The following ANK2 variants were observed in gnomAD, a reference collection of about 807,000 sequenced individuals.
ANK2 encodes the protein ankyrin 2.
ANK2 carries 83 observed loss-of-function variants against 360.5 expected under a neutral mutation model. That is an observed-to-expected ratio of 0.23 (90% CI 0.19 to 0.28). ANK2 has a LOEUF of 0.28. ANK2 is among the 10% of genes least tolerant of loss of function. ANK2 has a pLI of 1.00. For synonymous variants in ANK2, 1,740 were observed against 1,759.5 expected (o/e 0.99, Z 0.28); for missense variants, 4,201 against 4,795.7 (o/e 0.88, Z 3.66).
chr4:113,295,366 C>CA lies in ANK2; in HGVS notation c.2475+1829dup, dbSNP rs2070661580. Among the ~76,000 whole-genome samples, 5 of 152,124 alleles carry CA rather than the reference C, an allele frequency of 3.3e-5. No individual in the cohort carries two copies. The South Asian group carries it at 1.0e-3, about 32-fold the overall frequency. On this transcript the variant is annotated intron_variant, in intron 22 of 45. Coordinates refer to ENST00000357077, the MANE Select transcript of ANK2 (RefSeq NM_001148.6). ...TATATGTCTGGTTTCAAAGAGATCT[C>CA]AGGTTTGTAGATATTACTCAGGTGA... is the stretch of plus-strand genomic sequence containing the variant.
At chr4:113,241,724 T>G (rs936315775) in intron 8 of ANK2, among the ~76,000 whole-genome samples, 1 of 152,184 alleles carries the variant, frequency 6.6e-6, no homozygotes, top group Non-Finnish European at 1.5e-5. Context: ...TCATAAAACT[T>G]AAGATGCCAG....
chr4:112,734,032 C>G, the ANK2 span, among the ~76,000 whole-genome samples: 1 of 152,232 alleles, frequency 6.6e-6, no homozygotes, highest in Non-Finnish European at 1.5e-5. Context: ...GCCTCGGCCT[C>G]CCAAAGTGCT....
At chr4:113,061,374 T>C (rs1292541195) in intron 1 of ANK2, among the ~76,000 whole-genome samples, 1 of 152,150 alleles carries the variant, frequency 6.6e-6, no homozygotes, top group African/African-American at 2.4e-5. Context: ...CCCTGATTGC[T>C]TTTTCCCAGT....
At chr4:113,210,525 T>C (rs1214642628) in intron 4 of ANK2, among the ~76,000 whole-genome samples, 7 of 152,222 alleles carry the variant, frequency 4.6e-5, no homozygotes, top group Non-Finnish European at 2.9e-5. Context: ...TAGCACTGGT[T>C]AGAAGCAAGA....
chr4:113,203,577 G>A lies in ANK2; in HGVS notation c.384+4468G>A, dbSNP rs547270924. 3.3e-5 allele frequency among the ~76,000 whole-genome samples: 5 copies of A among 152,182 alleles called. No homozygotes were observed. In the East Asian group the frequency reaches 7.7e-4, roughly 23 times the overall value. ...ATGATTGGAGGATGAATATATGCAT[G>A]TATACTCTTTATGTATAAGTCTTAG... On this transcript the variant is annotated intron_variant, in intron 4 of 45. Coordinates refer to ENST00000357077, the MANE Select transcript of ANK2 (RefSeq NM_001148.6).
In ANK2 at chr4:112,974,847, G is replaced by GA. The variant is rs766021382; in HGVS notation, c.21+70346dup. Among the ~76,000 whole-genome samples the GA allele has an allele frequency of 2.3e-3, 285 of 124,056 alleles. 1 individual carries two copies. Among genetic ancestry groups the GA allele is most frequent in the Middle Eastern group, 0.013 (3 of 224 alleles). 81.4% of individuals were successfully genotyped at this position (124,056 alleles called of 152,430 possible). A position where few individuals can be genotyped will look rare whatever the true frequency, so the allele number is the denominator to read the frequency against. On this transcript the variant is annotated intron_variant, in intron 2 of 30. Coordinates refer to the ANK2 transcript ENST00000503271. ...TTGTCCTGGTAAAAGTATAGAAAAA[G>GA]AAAAAAAAAAAAAGTGAACACAGGC...
At chr4:113,201,973 A>G (rs1313687075) in intron 4 of ANK2, among the ~76,000 whole-genome samples, 1 of 152,210 alleles carries the variant, frequency 6.6e-6, no homozygotes, top group Non-Finnish European at 1.5e-5. Context: ...GGGGATTCTG[A>G]CAAATAGCTT....
chr4:113,365,802 A>G (rs2096507645), intron 41 of ANK2, among the ~76,000 whole-genome samples: 1 of 152,188 alleles, frequency 6.6e-6, no homozygotes, highest in Admixed American at 6.5e-5. Context: ...AATAATAAGA[A>G]TAATCAGAAG....
At position 113,356,236 on chromosome 4, in the gene ANK2, ACCCC is replaced by A; in HGVS notation, c.7620_7623del (p.Pro2541AlafsTer16). 6.2e-7 allele frequency: 1 copy of A among 1,613,792 alleles called. No homozygotes were observed. The highest frequency in any genetic ancestry group is 8.5e-7 in the Non-Finnish European group (1 of 1,179,942). The stretch of plus-strand genomic sequence containing the variant: ...AGGGAAGAGCCCCCTTTCTCCTGAC[ACCCC>A]CAGCTCTGAAGAAGTCAGCTATGAG... On this transcript the variant is annotated frameshift_variant, in exon 38 of 46. Transcript: ENST00000357077. LOFTEE classifies it high-confidence loss of function.
intron 2 of ANK2, among the ~76,000 whole-genome samples, chr4:113,192,929 A>ATTTTT (rs779288633): frequency 2.6e-5 from 4 of 150,962 alleles, no homozygotes; most frequent in African/African-American, 7.3e-5. Flanking sequence ...TTATTTAAAA[A>ATTTTT]AAAAAAAAAA....
intron 2 of ANK2, among the ~76,000 whole-genome samples, chr4:113,193,020 T>C (rs2098695515): frequency 6.6e-6 from 1 of 151,896 alleles, no homozygotes; most frequent in African/African-American, 2.4e-5. Context: ...TAGACGGGAC[T>C]CCGCTATGGA....
chr4:112,784,489 G>A, the ANK2 span, among the ~76,000 whole-genome samples: 5 of 150,644 alleles, frequency 3.3e-5, no homozygotes, highest in East Asian at 6.0e-4. Context: ...TCCTACCGGC[G>A]CCTGCCACCA....
At position 113,184,564 on chromosome 4, in the gene ANK2, A is replaced by G. The variant is rs181175704; in HGVS notation, c.186+10047A>G. 2.9e-4 allele frequency among the ~76,000 whole-genome samples: 44 copies of G among 152,214 alleles called. No individual in the cohort carries two copies. The East Asian group carries it at 8.1e-3, about 28-fold the overall frequency. ...ACAAACACAGGTGGTGTGTGAGATG[A>G]GGTGAAGCTGCCATTCCTGCCTAGT... On this transcript the variant is annotated intron_variant, in intron 2 of 45. Transcript: ENST00000357077.
At chr4:113,072,144 A>G (rs1158744342) in intron 1 of ANK2, among the ~76,000 whole-genome samples, 1 of 152,218 alleles carries the variant, frequency 6.6e-6, no homozygotes, top group Non-Finnish European at 1.5e-5. Context: ...GTAGGCATCT[A>G]AAAACTCAGC....
intron 2 of ANK2, among the ~76,000 whole-genome samples, chr4:112,971,896 A>G (rs2039683279): frequency 6.6e-6 from 1 of 152,174 alleles, no homozygotes; most frequent in Non-Finnish European, 1.5e-5. Flanking sequence ...CAGTGAGGCA[A>G]TGGTAGAGTG....
At chr4:112,861,296 T>G (rs902817609) in intron 1 of ANK2, among the ~76,000 whole-genome samples, 1 of 152,238 alleles carries the variant, frequency 6.6e-6, no homozygotes, top group South Asian at 2.1e-4. Flanking sequence ...GCTTATGGGC[T>G]ACTTCCTGGG....
chr4:113,060,086 C>G (rs140629481), intron 1 of ANK2, among the ~76,000 whole-genome samples: 60 of 152,112 alleles, frequency 3.9e-4, no homozygotes, highest in African/African-American at 1.3e-3. Context: ...GAATTCTGGT[C>G]CTTTTTAGAA....
In ANK2 at chr4:112,827,283, TTG is replaced by T. The variant is rs1331470148; in HGVS notation, c.-40+9021_-40+9022del. 9 of 1,056,168 alleles carry T rather than the reference TTG, an allele frequency of 8.5e-6. No homozygotes were observed. The East Asian group carries it at 1.6e-4, about 19-fold the overall frequency. The allele number at this position is 1,056,168 out of a possible 1,614,324, so 65.4% of individuals were successfully genotyped here. On this transcript the variant is annotated intron_variant, in intron 1 of 30. Transcript: ENST00000503271. ...TGTTACTTAAGGCAGCCAAGAGTCA[TTG>T]TAATAAAGAAGATCCAGAACAGCTG...
intron 2 of ANK2, among the ~76,000 whole-genome samples, chr4:112,972,286 C>T (rs1284449125): frequency 6.6e-6 from 1 of 152,092 alleles, no homozygotes; most frequent in Non-Finnish European, 1.5e-5. Flanking sequence ...ATCAACCAAT[C>T]ATCTAGGTTT....
Sources: allele counts gnomAD v4.1 joint callset (sites outside exome capture counted in the v4.1 genomes callset), GRCh38; gene constraint gnomAD v4.1.1; transcripts MANE v1.5; gene names NCBI Gene and HGNC (gene_info 2026-07-23, HGNC 2026-07-21).